The following MACROD2 variants were observed in gnomAD, a reference collection of about 807,000 sequenced individuals.
MACROD2 encodes mono-ADP ribosylhydrolase 2.
A neutral mutation model predicts 70.4 loss-of-function variants in MACROD2; 36 were observed. That is an observed-to-expected ratio of 0.51 (90% CI 0.39 to 0.68). MACROD2 has a LOEUF of 0.68. MACROD2 is among the 30% of genes least tolerant of loss of function. The pLI is 0.00. For synonymous variants in MACROD2, 172 were observed against 178.8 expected, an observed-to-expected ratio of 0.96 and a Z score of 0.30; for missense variants, 496 against 538.4, an observed-to-expected ratio of 0.92 and a Z score of 0.78.
chr20:14,223,506 C>CTTT (rs11307206), intron 3 of MACROD2, among the ~76,000 whole-genome samples: 1 of 93,108 alleles, frequency 1.1e-5, no homozygotes, highest in Admixed American at 1.1e-4. Flanking sequence ...CCTCTAAATT[C>CTTT]TTTTTTTTTT....
At chr20:15,334,106 T>C (rs2078022596) in intron 6 of MACROD2, among the ~76,000 whole-genome samples, 1 of 151,662 alleles carries the variant, frequency 6.6e-6, no homozygotes, top group Non-Finnish European at 1.5e-5. Flanking sequence ...TTGTCCCCTG[T>C]TCCCTCATGA....
chr20:15,035,883 T>C (rs932240892), intron 5 of MACROD2, among the ~76,000 whole-genome samples: 1 of 151,300 alleles, frequency 6.6e-6, no homozygotes, highest in Admixed American at 6.6e-5. Flanking sequence ...CTGCTCCCCC[T>C]TTTTTTTTCC....
At position 15,585,487 on chromosome 20, in the gene MACROD2, T is replaced by C. The variant is rs550297228; in HGVS notation, c.645+85640T>C. On this transcript the variant is annotated intron_variant, in intron 8 of 17. Transcript: ENST00000684519. Reference sequence around the variant, plus strand: ...CTGGGATTAGAGGCGTGAGCCACCATGCCCGGCCTGGAGCGTCCTTTTTAC... The same window carrying C: ...CTGGGATTAGAGGCGTGAGCCACCACGCCCGGCCTGGAGCGTCCTTTTTAC... Among the ~76,000 whole-genome samples the C allele has an allele frequency of 7.2e-5, 11 of 152,260 alleles. No individual in the cohort carries two copies. The South Asian group carries it at 1.5e-3, about 20-fold the overall frequency.
chr20:14,158,155 G>T (rs1305311808), intron 3 of MACROD2, among the ~76,000 whole-genome samples: 2 of 152,020 alleles, frequency 1.3e-5, no homozygotes, highest in African/African-American at 4.8e-5. Flanking sequence ...TTGTGGTTTT[G>T]ATTTACATTT....
intron 8 of MACROD2, among the ~76,000 whole-genome samples, chr20:15,555,742 T>TGG (rs1404303592): frequency 2.7e-5 from 4 of 145,858 alleles, no homozygotes; most frequent in African/African-American, 1.0e-4. Flanking sequence ...GGCAGGAGAA[T>TGG]TGCTTGAACC....
chr20:14,656,163 T>C (rs1985963906), intron 4 of MACROD2, among the ~76,000 whole-genome samples: 1 of 152,160 alleles, frequency 6.6e-6, no homozygotes, highest in African/African-American at 2.4e-5. Context: ...TTGTGGCATT[T>C]CCCCAGGGGA....
intron 10 of MACROD2, among the ~76,000 whole-genome samples, chr20:15,923,196 G>A (rs573787482): frequency 2.6e-5 from 4 of 152,174 alleles, no homozygotes; most frequent in South Asian, 2.1e-4. Context: ...AAACATACCC[G>A]AAACTGGGAA....
intron 5 of MACROD2, among the ~76,000 whole-genome samples, chr20:15,074,135 G>A (rs2075640029): frequency 4.6e-5 from 7 of 152,146 alleles, no homozygotes; most frequent in Admixed American, 4.6e-4. Context: ...ATAAGCTAAT[G>A]AGTTAGCTGG....
intron 3 of MACROD2, among the ~76,000 whole-genome samples, chr20:14,318,721 T>A (rs544199982): frequency 9.2e-5 from 14 of 152,316 alleles, no homozygotes; most frequent in African/African-American, 3.4e-4. Flanking sequence ...GTGTAACTGA[T>A]TATCTGTTAG....
At chr20:15,330,841 A>G (rs2077984022) in intron 6 of MACROD2, among the ~76,000 whole-genome samples, 1 of 151,612 alleles carries the variant, frequency 6.6e-6, no homozygotes, top group Admixed American at 6.6e-5. Context: ...TTAGAATCCA[A>G]GAGTAAAATT....
At chr20:14,405,103 A>C (rs1296164055) in intron 3 of MACROD2, among the ~76,000 whole-genome samples, 2 of 152,188 alleles carry the variant, frequency 1.3e-5, no homozygotes, top group East Asian at 1.9e-4. Flanking sequence ...TGAAGTTCAA[A>C]TATAGAAAAG....
chr20:14,462,760 C>T lies in MACROD2; in HGVS notation c.272-30719C>T, dbSNP rs571202738. 5.3e-5 allele frequency among the ~76,000 whole-genome samples: 8 copies of T among 152,136 alleles called. No homozygotes were observed. The East Asian group carries it at 1.5e-3, about 29-fold the overall frequency. On this transcript the variant is annotated intron_variant, in intron 3 of 17. Coordinates refer to ENST00000684519, the MANE Select transcript of MACROD2 (RefSeq NM_001351661.2). Reference sequence around the variant, plus strand: ...TTTCAGCTTTCTACATATGGCTAGCCAGTTTTCCCAGCACCAGTTGTTAAA... The same window carrying T: ...TTTCAGCTTTCTACATATGGCTAGCTAGTTTTCCCAGCACCAGTTGTTAAA...
chr20:14,074,408 T>C (rs2053890480), intron 2 of MACROD2, among the ~76,000 whole-genome samples: 1 of 152,188 alleles, frequency 6.6e-6, no homozygotes, highest in African/African-American at 2.4e-5. Flanking sequence ...TTGTCTTCAC[T>C]CCTGACTGAT....
intron 3 of MACROD2, among the ~76,000 whole-genome samples, chr20:14,305,475 A>C (rs1326512673): frequency 6.6e-6 from 1 of 152,110 alleles, no homozygotes; most frequent in Non-Finnish European, 1.5e-5. Flanking sequence ...ATATATAGAG[A>C]GAAGAGGGCC....
chr20:14,050,315 T>C (rs2053547267), intron 2 of MACROD2, among the ~76,000 whole-genome samples: 1 of 152,142 alleles, frequency 6.6e-6, no homozygotes, highest in Non-Finnish European at 1.5e-5. Context: ...AAGATGGCTC[T>C]GTATGTGTGT....
intron 3 of MACROD2, among the ~76,000 whole-genome samples, chr20:14,266,036 A>G (rs2082141963): frequency 1.3e-5 from 2 of 152,198 alleles, no homozygotes; most frequent in South Asian, 4.1e-4. Flanking sequence ...TTGGCCTCCC[A>G]AAGTGCTGGG....
intron 2 of MACROD2, among the ~76,000 whole-genome samples, chr20:14,067,882 GCT>G (rs887197016): frequency 4.6e-5 from 7 of 152,174 alleles, no homozygotes; most frequent in African/African-American, 1.4e-4. Flanking sequence ...TCAAATCTTA[GCT>G]CTGTCAGTTG....
intron 5 of MACROD2, among the ~76,000 whole-genome samples, chr20:15,122,330 A>G (rs2076036650): frequency 6.6e-6 from 1 of 152,148 alleles, no homozygotes; most frequent in African/African-American, 2.4e-5. Flanking sequence ...ACTAGCAGTG[A>G]GGGATGAGCC....
chr20:14,987,734 T>C (rs1021187145), intron 5 of MACROD2, among the ~76,000 whole-genome samples: 2 of 152,166 alleles, frequency 1.3e-5, no homozygotes, highest in South Asian at 4.1e-4. Context: ...GCTTGTCCAA[T>C]ATGTATTGAA....
Sources: allele counts gnomAD v4.1 joint callset (sites outside exome capture counted in the v4.1 genomes callset), GRCh38; gene constraint gnomAD v4.1.1; transcripts MANE v1.5; gene names NCBI Gene and HGNC (gene_info 2026-07-23, HGNC 2026-07-21).